The following ABR variants were observed in gnomAD, a reference collection of about 807,000 sequenced individuals.
ABR encodes active breakpoint cluster region-related protein.
ABR carries 35 observed loss-of-function variants against 107.2 expected under a neutral mutation model. That is an observed-to-expected ratio of 0.33 (90% CI 0.25 to 0.43). The LOEUF (loss-of-function observed/expected upper bound fraction) is 0.43. Ranked by LOEUF, ABR falls within the 20% of genes least tolerant of loss-of-function variation. The probability of loss-of-function intolerance (pLI) is 1.00; values close to 1 mark genes in which losing one functional copy is unlikely to be tolerated. For synonymous variants in ABR, 498 were observed against 462.0 expected, an observed-to-expected ratio of 1.08 and a Z score of -1.00; for missense variants, 815 against 1,115.2, an observed-to-expected ratio of 0.73 and a Z score of 3.83.
chr17:1,138,549 C>T (rs900240179), intron 1 of ABR, among the ~76,000 whole-genome samples: 2 of 152,084 alleles, frequency 1.3e-5, no homozygotes, highest in African/African-American at 4.8e-5. Flanking sequence ...ACAAACATAG[C>T]TCATTGCAGC....
intron 16 of ABR, chr17:1,031,567 ACCCCCCGGAACCTCCAGCCCCCG>A (rs2072762862): frequency 2.3e-5 from 4 of 173,056 alleles, no homozygotes; most frequent in Non-Finnish European, 2.8e-5. Flanking sequence ...CCGAGCCCCC[ACCCCCCGGAACCTCCAGCCCCCG>A]CGGGCACCTT....
intron 16 of ABR, among the ~76,000 whole-genome samples, chr17:1,024,580 G>A (rs2072018274): frequency 6.6e-6 from 1 of 152,102 alleles, no homozygotes; most frequent in African/African-American, 2.4e-5. Context: ...GAAGCCAGAA[G>A]TTCAACATCA....
intron 16 of ABR, among the ~76,000 whole-genome samples, chr17:1,032,592 G>A (rs1389476910): frequency 1.5e-5 from 2 of 129,282 alleles, no homozygotes; most frequent in Admixed American, 7.5e-5. Context: ...AGGACGCCAC[G>A]GGCAACCACC....
chr17:1,124,497 G>C (rs2258746), intron 2 of ABR, among the ~76,000 whole-genome samples: 148,261 of 152,364 alleles, frequency 0.97, 72,157 homozygotes, highest in Middle Eastern at 1. Context: ...GTCTCCGACA[G>C]GCACACACGA....
chr17:1,020,488 C>T (rs533307205), intron 16 of ABR, among the ~76,000 whole-genome samples: 4 of 152,314 alleles, frequency 2.6e-5, no homozygotes, highest in Admixed American at 1.3e-4. Context: ...GTCCAGGAGA[C>T]GACCAGGTCC....
intron 16 of ABR, among the ~76,000 whole-genome samples, chr17:1,026,881 A>G (rs2072241436): frequency 2.0e-5 from 3 of 151,840 alleles, no homozygotes; most frequent in Admixed American, 2.0e-4. Context: ...CCTGTGGCCA[A>G]CACCTGGCAG....
At chr17:1,215,099 A>T (rs950358704) in intron 1 of ABR, among the ~76,000 whole-genome samples, 1 of 151,890 alleles carries the variant, frequency 6.6e-6, no homozygotes, top group African/African-American at 2.4e-5. Context: ...GTGTGCCTGT[A>T]GTCCCAACTA....
chr17:1,112,900 G>A (rs1020565445), intron 2 of ABR, among the ~76,000 whole-genome samples: 1 of 145,462 alleles, frequency 6.9e-6, no homozygotes, highest in Non-Finnish European at 1.5e-5. Context: ...GTTAACGCCT[G>A]ACCCAATCAG....
intron 2 of ABR, among the ~76,000 whole-genome samples, chr17:1,101,558 ATGAATAC>A (rs1169354696): frequency 3.3e-5 from 5 of 152,224 alleles, no homozygotes; most frequent in Admixed American, 1.3e-4. Context: ...AGGACCGAGT[ATGAATAC>A]CGCAAAACGC....
chr17:1,064,976 G>A lies in ABR; in HGVS notation c.1182+2101C>T, dbSNP rs1415080688. ...ATGTTCCTCTAGACACTGCTGTTAC[G>A]TGAACTGAGGGCTATGCATGTTCCT... On this transcript the variant is annotated intron_variant, in intron 10 of 22. Transcript: ENST00000302538. Among the ~76,000 whole-genome samples, 10 of 82,260 alleles carry A rather than the reference G, an allele frequency of 1.2e-4. No homozygotes were observed. In the East Asian group the frequency reaches 1.8e-3, roughly 15 times the overall value. The allele number at this position is 82,260 out of a possible 152,430, so 54.0% of individuals were successfully genotyped here.
intron 2 of ABR, among the ~76,000 whole-genome samples, chr17:1,106,527 C>CTT (rs540643214): frequency 0.18 from 18,399 of 102,518 alleles, 2,768 homozygotes; most frequent in Middle Eastern, 0.23. Flanking sequence ...TTCTCACAGT[C>CTT]TTTTTTTTTT....
rs1200902352 is a variant in ABR, at chr17:1,067,083, C to T, written c.1176G>A (p.Gln392=). 13 of 1,613,290 alleles carry T rather than the reference C, an allele frequency of 8.1e-6. No homozygotes were observed. The highest frequency in any genetic ancestry group is 1.1e-5 in the Non-Finnish European group (13 of 1,179,696). ...GATACCAAGCTCTGCTCACCTCCTT[C>T]TGGATTTCACTCTTGAGGGCAGAGA... The part of the protein sequence containing the change: ...MKISALKSEI[Q]KEKANKGQSR... Residue 392 remains glutamine, a synonymous_variant, in exon 10 of 23, where the codon CAG becomes CAA. Coordinates refer to ENST00000302538, the MANE Select transcript of ABR (RefSeq NM_021962.5).
intron 4 of ABR, 25 bp from the exon 5 acceptor site, chr17:1,083,652 AGGGAGAGGAGGGTGGGAG>A: frequency 8.4e-7 from 1 of 1,184,674 alleles, no homozygotes; most frequent in Non-Finnish European, 1.2e-6. Context: ...CAGGGAACAG[AGGGAGAGGAGGGTGGGAG>A]GGGAGAGGAT....
chr17:1,044,056 A>AC (rs1179935829), intron 16 of ABR, among the ~76,000 whole-genome samples: 1 of 152,202 alleles, frequency 6.6e-6, no homozygotes, highest in African/African-American at 2.4e-5. Flanking sequence ...GAAGGGCCGG[A>AC]CCCTGGGAAT....
chr17:1,184,039 C>T (rs946507151), upstream of ABR, among the ~76,000 whole-genome samples: 7 of 151,842 alleles, frequency 4.6e-5, no homozygotes, highest in African/African-American at 1.7e-4. Flanking sequence ...GGTGAAACCC[C>T]GTCTCTACTA....
At chr17:1,031,679 C>T in intron 16 of ABR, 2 of 1,257,872 alleles carry the variant, frequency 1.6e-6, no homozygotes, top group South Asian at 5.7e-5. Context: ...CCGACTCCTC[C>T]AGCGCCAGGG....
intron 16 of ABR, among the ~76,000 whole-genome samples, chr17:1,020,953 C>T (rs2071576721): frequency 6.6e-6 from 1 of 152,122 alleles, no homozygotes; most frequent in African/African-American, 2.4e-5. Flanking sequence ...TCGGAGGTGG[C>T]AGAGCCCCCA....
intron 1 of ABR, among the ~76,000 whole-genome samples, chr17:1,144,544 T>C (rs1488561251): frequency 7.0e-6 from 1 of 142,060 alleles, no homozygotes; most frequent in East Asian, 2.1e-4. Flanking sequence ...AGATACCAGA[T>C]AAAAAGAGCA....
intron 1 of ABR, among the ~76,000 whole-genome samples, chr17:1,166,867 T>G (rs2151585915): frequency 6.6e-6 from 1 of 152,154 alleles, no homozygotes; most frequent in Admixed American, 6.5e-5. Context: ...CTGGGCATGG[T>G]GGCACGCGCC....
Sources: gnomAD v4.1 joint callset for allele counts (sites outside exome capture counted in the v4.1 genomes callset) on GRCh38, gnomAD v4.1.1 for gene constraint, MANE v1.5 for transcripts, NCBI Gene and HGNC (gene_info 2026-07-23, HGNC 2026-07-21) for gene names.